The following ZZEF1 variants were observed in gnomAD, a reference collection of about 807,000 sequenced individuals.
ZZEF1 encodes zinc finger ZZ-type and EF-hand domain-containing protein 1.
A neutral mutation model predicts 342.8 loss-of-function variants in ZZEF1; 157 were observed. The ratio of observed to expected loss-of-function variants is 0.46; its 90% confidence interval spans 0.40 to 0.52. ZZEF1 has a LOEUF of 0.52. ZZEF1 is among the 20% of genes least tolerant of loss of function. The pLI is 0.00. For missense variants in ZZEF1, 3,480 were observed against 3,725.6 expected (o/e 0.93, Z 1.72); for synonymous variants, 1,505 against 1,429.1 (o/e 1.05, Z -1.20).
At chr17:4,051,166 G>A (rs1019644799) in intron 35 of ZZEF1, 123 bp from the exon 36 acceptor site, 17 of 1,277,258 alleles carry the variant, frequency 1.3e-5, no homozygotes, top group South Asian at 1.2e-4. Flanking sequence ...TCTAGGATGC[G>A]CTTACTGAAA....
At chr17:4,066,008 G>A (rs1376242036) in intron 28 of ZZEF1, among the ~76,000 whole-genome samples, 1 of 151,162 alleles carries the variant, frequency 6.6e-6, no homozygotes. Context: ...ATACAAAGAG[G>A]AAAAAAAAAT....
In ZZEF1 at chr17:4,027,286, C is replaced by CTTTT. The variant is rs1179743466; in HGVS notation, c.6893-2172_6893-2169dup. ...GACCTACGCACCCAGCAATATCTCA[C>CTTTT]TTTTTTTTTTTTTTTTTTTTTTTTT... is the stretch of plus-strand genomic sequence containing the variant. On this transcript the variant is annotated intron_variant, in intron 42 of 54. Coordinates refer to ENST00000381638, the MANE Select transcript of ZZEF1 (RefSeq NM_015113.4). 1.4e-3 allele frequency among the ~76,000 whole-genome samples: 98 copies of CTTTT among 67,970 alleles called. 14 individuals carry two copies. Among genetic ancestry groups the CTTTT allele is most frequent in the African/African-American group, 5.2e-3 (77 of 14,906 alleles). 44.6% of individuals were successfully genotyped at this position (67,970 alleles called of 152,430 possible).
At chr17:4,102,720 G>A (rs1006757901) in intron 8 of ZZEF1, among the ~76,000 whole-genome samples, 4 of 151,918 alleles carry the variant, frequency 2.6e-5, no homozygotes, top group Non-Finnish European at 5.9e-5. Flanking sequence ...GAACACATTT[G>A]GGGGGGTGAT....
chr17:4,017,361 G>A lies in ZZEF1; in HGVS notation c.8001+10C>T, dbSNP rs1343307986. 14 of 1,577,616 alleles carry A rather than the reference G, an allele frequency of 8.9e-6. No homozygotes were observed. The highest frequency in any genetic ancestry group is 1.7e-5 in the Admixed American group (1 of 59,044). ...TGGTGGGTGAGCACAAGCTCAGTCT[G>A]CATAACTACCTTCTCCCACTCATGC... On this transcript the variant is annotated intron_variant, in intron 48 of 54. Transcript: ENST00000381638. The surrounding 1 kb of genome is among the most constrained non-coding windows in gnomAD (Gnocchi z 5.1).
intron 1 of ZZEF1, among the ~76,000 whole-genome samples, chr17:4,132,923 G>A (rs953691706): frequency 3.3e-5 from 5 of 152,032 alleles, no homozygotes; most frequent in African/African-American, 4.8e-5. Context: ...CTGAGATCAC[G>A]CCACTGCAGT....
At chr17:4,108,508 A>T (rs2145468977) in intron 6 of ZZEF1, among the ~76,000 whole-genome samples, 1 of 152,338 alleles carries the variant, frequency 6.6e-6, no homozygotes, top group South Asian at 2.1e-4. Flanking sequence ...GTTTCGCTGG[A>T]TCCTTTTGCT....
In ZZEF1 at chr17:4,088,688, G is replaced by A; in HGVS notation, c.2231C>T (p.Ala744Val). 1 of 1,613,734 alleles carries A rather than the reference G, an allele frequency of 6.2e-7. No individual in the cohort carries two copies. Among genetic ancestry groups the A allele is most frequent in the South Asian group, 1.1e-5 (1 of 91,064 alleles). Residue 744 changes from alanine to valine, a missense_variant, in exon 13 of 55, where the codon GCC becomes GTC. By Grantham distance (64) the Ala-to-Val change is moderately conservative. Transcript: ENST00000381638. ...CTGAGGAAGCCCTACCAGGTCATGG[G>A]CGAGCTGCTGGATAAACTGAAGGGT... ...LRTLQFIQQLAHDLVQQKESG... is the reference protein window; with the variant it reads ...LRTLQFIQQLVHDLVQQKESG...
Position 4,057,985 on chromosome 17 carries a change from T to TG in ZZEF1, c.5165+8dup, listed in dbSNP as rs1187747603. On this transcript the variant is annotated intron_variant, in intron 32 of 54. Transcript: ENST00000381638. ...TTAGGAACTGCAGAGCGCAGGACCG[T>TG]GCTCTTACCTGATCACACTGTCATG... 1.2e-6 allele frequency: 2 copies of TG among 1,613,618 alleles called. No homozygotes were observed.
intron 9 of ZZEF1, 52 bp downstream of exon 9, chr17:4,102,265 A>G (rs2058139288): frequency 1.3e-5 from 19 of 1,511,262 alleles, no homozygotes; most frequent in Non-Finnish European, 1.7e-5. Context: ...GCTTTCACAC[A>G]GCTGACTCCT....
At chr17:4,030,191 C>T (rs749652986) in intron 42 of ZZEF1, among the ~76,000 whole-genome samples, 109 of 152,114 alleles carry the variant, frequency 7.2e-4, no homozygotes, top group Middle Eastern at 3.4e-3. Context: ...TTGAAAAGAT[C>T]AAATAACTTG....
chr17:4,018,084 G>C, intron 46 of ZZEF1, 113 bp from the exon 47 acceptor site: 1 of 1,377,394 alleles, frequency 7.3e-7, no homozygotes, highest in Non-Finnish European at 1.0e-6. Context: ...TAGTATCAAT[G>C]ACATTATCAT....
chr17:4,097,926 CA>C lies in ZZEF1; in HGVS notation c.1673-1227del, dbSNP rs541461547. Among the ~76,000 whole-genome samples the C allele has an allele frequency of 1.4e-3, 89 of 63,676 alleles. 1 individual carries two copies. The highest frequency in any genetic ancestry group is 2.9e-3 in the African/African-American group (47 of 16,450). The allele number at this position is 63,676 out of a possible 152,430, so 41.8% of individuals were successfully genotyped here. A position where few individuals can be genotyped will look rare whatever the true frequency, so the allele number is the denominator to read the frequency against. On this transcript the variant is annotated intron_variant, in intron 9 of 54. Coordinates refer to ENST00000381638, the MANE Select transcript of ZZEF1 (RefSeq NM_015113.4). ...CAGCACAGTGAGACCCCATTTCTAC[CA>C]AAAAAAAAAAAAAAAAAAGCAAAAA... is the stretch of plus-strand genomic sequence containing the variant.
rs1320684147 is a variant in ZZEF1 at position 4,017,219 on chromosome 17, G to C, written c.8001+152C>G. ...CTCACTAGCCCAATCCTTGGGAGAG[G>C]ATACAGTGACCCTACCTTTGCTGCA... On this transcript the variant is annotated intron_variant, in intron 48 of 54. Coordinates refer to ENST00000381638, the MANE Select transcript of ZZEF1 (RefSeq NM_015113.4). This position sits in a 1 kb window ranked among gnomAD's most constrained non-coding sequence, Gnocchi z 5.1. 9.1e-7 allele frequency: 1 copy of C among 1,103,294 alleles called. No homozygotes were observed. The highest frequency in any genetic ancestry group is 1.6e-5 in the African/African-American group (1 of 63,546). The allele number at this position is 1,103,294 out of a possible 1,614,324, so 68.3% of individuals were successfully genotyped here.
At chr17:4,082,150 T>C (rs781745061) in intron 17 of ZZEF1, among the ~76,000 whole-genome samples, 1 of 152,206 alleles carries the variant, frequency 6.6e-6, no homozygotes, top group Non-Finnish European at 1.5e-5. Context: ...AGACCCTACA[T>C]TCCTTTGGCT....
chr17:4,136,180 C>A (rs1284481340), intron 1 of ZZEF1, among the ~76,000 whole-genome samples: 1 of 149,888 alleles, frequency 6.7e-6, no homozygotes, highest in Non-Finnish European at 1.5e-5. Flanking sequence ...CCCGTCTCTA[C>A]TAAAAATACA....
intron 1 of ZZEF1, among the ~76,000 whole-genome samples, chr17:4,134,949 T>C (rs1411457256): frequency 5.3e-5 from 8 of 152,120 alleles, no homozygotes; most frequent in Admixed American, 5.2e-4. Context: ...AAAGACTGTA[T>C]GGCAGATAGT....
chr17:4,088,172 G>GT (rs1162375117), intron 13 of ZZEF1, among the ~76,000 whole-genome samples: 1 of 152,164 alleles, frequency 6.6e-6, no homozygotes, highest in African/African-American at 2.4e-5. Flanking sequence ...GGTGATGGCT[G>GT]TAAGAATCTT....
chr17:4,079,463 G>A lies in ZZEF1; in HGVS notation c.2830-1421C>T, dbSNP rs111999405. Among the ~76,000 whole-genome samples the A allele has an allele frequency of 9.3e-4, 141 of 152,300 alleles. 2 individuals carry two copies. Among genetic ancestry groups the A allele is most frequent in the African/African-American group, 2.7e-3 (112 of 41,556 alleles). ...GAATGAGCCATGGCTAACTGGGGCC[G>A]AGAACACATACTGATGAGACTGAAG... On this transcript the variant is annotated intron_variant, in intron 18 of 54. Coordinates refer to ENST00000381638, the MANE Select transcript of ZZEF1 (RefSeq NM_015113.4).
chr17:4,033,157 A>T, intron 40 of ZZEF1, 155 bp from the exon 41 acceptor site: 1 of 687,150 alleles, frequency 1.5e-6, no homozygotes, highest in South Asian at 2.6e-5. Context: ...TATAATGGTG[A>T]GTAAAAGAGC....
Sources: gnomAD v4.1 joint callset for allele counts (sites outside exome capture counted in the v4.1 genomes callset) on GRCh38, gnomAD v4.1.1 for gene constraint, Gnocchi (gnomAD v3.1) non-coding constraint, MANE v1.5 for transcripts, NCBI Gene and HGNC (gene_info 2026-07-23, HGNC 2026-07-21) for gene names.